Variants in STAU2 observed in about 807,000 individuals in gnomAD.
STAU2 encodes staufen double-stranded RNA binding protein 2, also known as double-stranded RNA-binding protein Staufen homolog 2.
In STAU2, 20 loss-of-function variants were observed where a neutral mutation model predicts 65.9. The observed-to-expected ratio is 0.30, with a 90% confidence interval of 0.21 to 0.44. The LOEUF (loss-of-function observed/expected upper bound fraction) is 0.44, where lower values mean the gene tolerates loss of function less well. Among genes scored for constraint, STAU2 ranks in the 20% least tolerant of loss-of-function variants. STAU2 has a pLI of 1.00. For synonymous variants in STAU2, 232 were observed against 233.9 expected (o/e 0.99, Z 0.07); for missense variants, 558 against 683.9 (o/e 0.82, Z 2.05).
intron 13 of STAU2, among the ~76,000 whole-genome samples, chr8:73,490,767 A>G (rs1290042607): frequency 2.0e-5 from 3 of 152,020 alleles, no homozygotes; most frequent in African/African-American, 7.2e-5. Context: ...TGGGAGCTCA[A>G]TATTCTTCCT....
chr8:73,478,710 C>A (rs1026599791), intron 13 of STAU2, among the ~76,000 whole-genome samples: 1 of 152,144 alleles, frequency 6.6e-6, no homozygotes, highest in Non-Finnish European at 1.5e-5. Flanking sequence ...TCAATATATG[C>A]ATTTTGCATA....
At chr8:73,651,482 C>A in intron 6 of STAU2, 2 of 692,394 alleles carry the variant, frequency 2.9e-6, no homozygotes, top group Non-Finnish European at 2.7e-6. Context: ...GCTGAACAGC[C>A]TCTTCTCGGA....
rs1563506804 is a variant in STAU2, at chr8:73,687,337, T to TTTATATTTATATTTATATTTATAAA, written c.274+1316_274+1317insTTTATAAATATAAATATAAATATAA. Reference sequence around the variant, plus strand: ...TTTATATTTATATTTATAAATATAATTTATATTTATAATTTATATAATATA... The same window carrying TTTATATTTATATTTATATTTATAAA: ...TTTATATTTATATTTATAAATATAATTTATATTTATATTTATATTTATAAATTATATTTATAATTTATATAATATA... On this transcript the variant is annotated intron_variant, in intron 5 of 14. Transcript: ENST00000524300. 2.0e-5 allele frequency among the ~76,000 whole-genome samples: 2 copies of TTTATATTTATATTTATATTTATAAA among 100,904 alleles called. 1 individual carries two copies. Among genetic ancestry groups the TTTATATTTATATTTATATTTATAAA allele is most frequent in the Non-Finnish European group, 3.6e-5 (2 of 54,904 alleles). The allele number at this position is 100,904 out of a possible 152,430, so 66.2% of individuals were successfully genotyped here. A position where few individuals can be genotyped will look rare whatever the true frequency, so the allele number is the denominator to read the frequency against.
intron 1 of STAU2, among the ~76,000 whole-genome samples, chr8:73,743,796 G>A (rs1301214204): frequency 8.1e-6 from 1 of 123,676 alleles, no homozygotes; most frequent in Non-Finnish European, 1.7e-5. Context: ...TTTTGAGACT[G>A]AGTCTCACTC....
intron 13 of STAU2, among the ~76,000 whole-genome samples, chr8:73,486,075 G>GTCTA (rs1440482820): frequency 2.0e-5 from 3 of 152,072 alleles, no homozygotes; most frequent in Non-Finnish European, 4.4e-5. Flanking sequence ...ACAACATAGA[G>GTCTA]GCCAGACCTC....
chr8:73,566,513 CA>C (rs992790390), intron 12 of STAU2, among the ~76,000 whole-genome samples: 6 of 152,120 alleles, frequency 3.9e-5, no homozygotes, highest in African/African-American at 1.4e-4. Context: ...AACATTCTTT[CA>C]AAAAAATGCG....
chr8:73,636,196 A>G (rs953766045), intron 6 of STAU2, among the ~76,000 whole-genome samples: 3 of 152,168 alleles, frequency 2.0e-5, no homozygotes, highest in Admixed American at 6.5e-5. Context: ...ATCTATAAAG[A>G]TAAGACAACA....
chr8:73,590,045 G>A (rs931965680), intron 11 of STAU2, among the ~76,000 whole-genome samples: 1 of 150,272 alleles, frequency 6.7e-6, no homozygotes, highest in Non-Finnish European at 1.5e-5. Flanking sequence ...AGGAGGAAGA[G>A]AAGAAAGAAT....
At chr8:73,734,298 TAAC>T (rs1271871859) in intron 3 of STAU2, among the ~76,000 whole-genome samples, 1 of 145,810 alleles carries the variant, frequency 6.9e-6, no homozygotes, top group Non-Finnish European at 1.5e-5. Context: ...ACATGGATAA[TAAC>T]ACACATTCTT....
intron 11 of STAU2, among the ~76,000 whole-genome samples, chr8:73,588,127 A>C (rs974564453): frequency 2.0e-5 from 3 of 152,200 alleles, no homozygotes; most frequent in African/African-American, 7.2e-5. Context: ...CATAACAATG[A>C]CAAACAGCCA....
At chr8:73,595,360 T>C (rs1367540604) in intron 10 of STAU2, 63 bp from the exon 11 acceptor site, 3 of 1,447,098 alleles carry the variant, frequency 2.1e-6, no homozygotes, top group Admixed American at 4.6e-5. Flanking sequence ...CAGGAAGTCC[T>C]TACATCATAA....
intron 4 of STAU2, among the ~76,000 whole-genome samples, chr8:73,702,559 C>A (rs1368966151): frequency 6.6e-6 from 1 of 151,250 alleles, no homozygotes; most frequent in Admixed American, 6.6e-5. Flanking sequence ...TACTATGTAC[C>A]CACAAAAATT....
chr8:73,546,123 C>CTTTTT (rs71561528), intron 13 of STAU2, among the ~76,000 whole-genome samples: 2,147 of 93,076 alleles, frequency 0.023, 1 homozygote, highest in Middle Eastern at 0.029. Flanking sequence ...GTTTGGTTTT[C>CTTTTT]TTTTTTTTTT....
intron 13 of STAU2, among the ~76,000 whole-genome samples, chr8:73,436,475 A>G (rs1459263488): frequency 6.6e-6 from 1 of 151,850 alleles, no homozygotes; most frequent in Non-Finnish European, 1.5e-5. Flanking sequence ...TTTAAAAATA[A>G]AAGTTCTAAA....
In STAU2 at chr8:73,709,390, T is replaced by C. The variant is rs1214857162; in HGVS notation, c.-17-228A>G. Among the ~76,000 whole-genome samples the C allele has an allele frequency of 3.3e-5, 5 of 152,132 alleles. No individual in the cohort carries two copies. In the East Asian group the frequency reaches 7.7e-4, roughly 23 times the overall value. ...TTTCCTAAGTACCTAAGTTGTTCTATGTATATAACAGCATGCTTAAAGATT... is the reference window on the plus strand; with the variant it reads ...TTTCCTAAGTACCTAAGTTGTTCTACGTATATAACAGCATGCTTAAAGATT... On this transcript the variant is annotated intron_variant, in intron 3 of 14. Transcript: ENST00000524300.
chr8:73,630,648 G>A (rs1247680070), intron 6 of STAU2, among the ~76,000 whole-genome samples: 1 of 152,168 alleles, frequency 6.6e-6, no homozygotes, highest in Non-Finnish European at 1.5e-5. Flanking sequence ...ATGTTGACAT[G>A]AGTTAGTGTA....
intron 5 of STAU2, among the ~76,000 whole-genome samples, chr8:73,677,759 G>A (rs1264125477): frequency 6.6e-6 from 1 of 152,154 alleles, no homozygotes; most frequent in Non-Finnish European, 1.5e-5. Flanking sequence ...TAACTGTAAT[G>A]TGCCCTTGTC....
At chr8:73,707,894 T>C (rs963846809) in intron 4 of STAU2, among the ~76,000 whole-genome samples, 1 of 149,900 alleles carries the variant, frequency 6.7e-6, no homozygotes, top group African/African-American at 2.5e-5. Context: ...TGGAGCTGAG[T>C]GCTCAACAAT....
chr8:73,668,886 G>A (rs972776035), intron 6 of STAU2: 2 of 570,710 alleles, frequency 3.5e-6, no homozygotes, highest in East Asian at 2.8e-5. Context: ...CATCAGTAGA[G>A]GGTGGTAAAA....
Sources: allele counts gnomAD v4.1 joint callset (sites outside exome capture counted in the v4.1 genomes callset), GRCh38; gene constraint gnomAD v4.1.1; transcripts MANE v1.5; gene names NCBI Gene and HGNC (gene_info 2026-07-23, HGNC 2026-07-21).